SYT9: variants seen among roughly 807,000 people sequenced by gnomAD.
SYT9 encodes synaptotagmin-9.
A neutral mutation model predicts 48.4 loss-of-function variants in SYT9; 22 were observed. The observed-to-expected ratio is 0.45, with a 90% CI of 0.32 to 0.65. SYT9 has a LOEUF of 0.65. Ranked by LOEUF, SYT9 falls within the 30% of genes least tolerant of loss-of-function variation. SYT9 has a pLI of 0.03. For missense variants in SYT9, 577 were observed against 622.0 expected, an observed-to-expected ratio of 0.93 and a Z score of 0.77; for synonymous variants, 265 against 245.0, an observed-to-expected ratio of 1.08 and a Z score of -0.76.
chr11:7,399,114 A>G (rs1391275419), intron 3 of SYT9, among the ~76,000 whole-genome samples: 1 of 152,210 alleles, frequency 6.6e-6, no homozygotes, highest in Non-Finnish European at 1.5e-5. Context: ...GATAAGAATA[A>G]GAGGAAGCAT....
At chr11:7,287,416 A>C (rs1848616995) in intron 1 of SYT9, among the ~76,000 whole-genome samples, 1 of 152,210 alleles carries the variant, frequency 6.6e-6, no homozygotes, top group Non-Finnish European at 1.5e-5. Flanking sequence ...GAGCCAAACC[A>C]TATCAATGCC....
At chr11:7,455,495 G>A (rs1484067050) in intron 6 of SYT9, among the ~76,000 whole-genome samples, 5 of 142,292 alleles carry the variant, frequency 3.5e-5, no homozygotes, top group Admixed American at 7.1e-5. Flanking sequence ...CACCACGCCT[G>A]GTTAATTTTT....
intron 2 of SYT9, among the ~76,000 whole-genome samples, chr11:7,312,797 C>G (rs1392278531): frequency 6.6e-6 from 1 of 152,226 alleles, no homozygotes; most frequent in Non-Finnish European, 1.5e-5. Flanking sequence ...AATTATGTCA[C>G]TTCTACCTGT....
intron 6 of SYT9, among the ~76,000 whole-genome samples, chr11:7,427,020 A>G (rs188754188): frequency 6.4e-4 from 98 of 152,324 alleles, no homozygotes; most frequent in African/African-American, 2.2e-3. Context: ...TATTCAATGC[A>G]TGCATTTTCT....
intron 6 of SYT9, among the ~76,000 whole-genome samples, chr11:7,442,283 G>A (rs1564905569): frequency 6.6e-6 from 1 of 152,168 alleles, no homozygotes; most frequent in Non-Finnish European, 1.5e-5. Flanking sequence ...TCGAAGAGGG[G>A]CTGGAGAACA....
intron 3 of SYT9, among the ~76,000 whole-genome samples, chr11:7,349,174 C>G (rs1228498917): frequency 6.6e-6 from 1 of 151,876 alleles, no homozygotes; most frequent in Non-Finnish European, 1.5e-5. Context: ...TTAAAGAACT[C>G]CACGAGCATT....
At chr11:7,368,389 T>C (rs1393286149) in intron 3 of SYT9, among the ~76,000 whole-genome samples, 3 of 152,212 alleles carry the variant, frequency 2.0e-5, no homozygotes, top group Non-Finnish European at 4.4e-5. Flanking sequence ...GGGATACATG[T>C]GCAGAATGTG....
At chr11:7,400,772 C>A (rs962986255) in intron 3 of SYT9, among the ~76,000 whole-genome samples, 1 of 152,074 alleles carries the variant, frequency 6.6e-6, no homozygotes, top group African/African-American at 2.4e-5. Flanking sequence ...CGAGAGAAGC[C>A]ACCTCCTAGT....
At chr11:7,247,514 T>C, upstream of SYT9, among the ~76,000 whole-genome samples, 1 of 148,866 alleles carries the variant, frequency 6.7e-6, no homozygotes, top group East Asian at 2.0e-4. Flanking sequence ...CATATATACA[T>C]ATATACACAC....
chr11:7,242,363 T>C (rs1369509816), intron 1 of SYT9, among the ~76,000 whole-genome samples: 2 of 152,194 alleles, frequency 1.3e-5, no homozygotes, highest in African/African-American at 4.8e-5. Flanking sequence ...TCAGGAGTCA[T>C]ACTGCCCATC....
Position 7,433,790 on chromosome 11 carries a change from C to A in SYT9, c.1467+13155C>A, listed in dbSNP as rs189497330. Among the ~76,000 whole-genome samples the A allele has an allele frequency of 2.6e-5, 4 of 152,344 alleles. No individual in the cohort carries two copies. The East Asian group carries it at 7.7e-4, about 29-fold the overall frequency. ...AAATCAGCTAGCACCTTATCTTGGA[C>A]TTTCCAGCCTCAAGGACTGTGAGCA... On this transcript the variant is annotated intron_variant, in intron 6 of 6. Coordinates refer to ENST00000318881, the MANE Select transcript of SYT9 (RefSeq NM_175733.4).
chr11:7,247,582 T>C (rs1004677902), upstream of SYT9, among the ~76,000 whole-genome samples: 27 of 147,692 alleles, frequency 1.8e-4, no homozygotes, highest in African/African-American at 4.7e-4. Context: ...CATATACATA[T>C]ATATGTGTAT....
At chr11:7,368,071 G>C (rs943981031) in intron 3 of SYT9, among the ~76,000 whole-genome samples, 3 of 152,178 alleles carry the variant, frequency 2.0e-5, no homozygotes, top group African/African-American at 4.8e-5. Context: ...TAGGTAGTCT[G>C]ACTCCAGAGG....
intron 3 of SYT9, among the ~76,000 whole-genome samples, chr11:7,394,497 A>C (rs1846707269): frequency 2.0e-5 from 3 of 152,182 alleles, no homozygotes; most frequent in African/African-American, 7.2e-5. Flanking sequence ...TGGCTGGGTC[A>C]AATGGTATTT....
At chr11:7,351,520 C>A (rs1210898732) in intron 3 of SYT9, among the ~76,000 whole-genome samples, 1 of 152,152 alleles carries the variant, frequency 6.6e-6, no homozygotes, top group Non-Finnish European at 1.5e-5. Context: ...CTGCCCAGAG[C>A]CTTACCCTGT....
At chr11:7,275,486 T>A (rs1286456760) in intron 1 of SYT9, among the ~76,000 whole-genome samples, 1 of 152,228 alleles carries the variant, frequency 6.6e-6, no homozygotes, top group East Asian at 1.9e-4. Flanking sequence ...CCATTCTATT[T>A]TCTTTCATGG....
At chr11:7,310,547 C>G (rs750612083) in intron 2 of SYT9, among the ~76,000 whole-genome samples, 2 of 138,770 alleles carry the variant, frequency 1.4e-5, no homozygotes, top group Non-Finnish European at 3.1e-5. Context: ...CCCAGGTTCA[C>G]GCTGTTCTCC....
Position 7,416,089 on chromosome 11 carries a change from A to G in SYT9, c.1092A>G (p.Pro364=). The G allele has an allele frequency of 6.2e-7, 1 of 1,614,194 alleles. No individual in the cohort carries two copies. The highest frequency in any genetic ancestry group is 1.3e-5 in the African/African-American group (1 of 75,048). The stretch of plus-strand genomic sequence containing the variant: ...TGATGTTTTCCCTGTGCTATCTTCC[A>G]ACGGCTGGCAGGCTGACCATTACCA... ...GELMFSLCYL[P]TAGRLTITII... The change falls in exon 4 of 7, where the codon CCA becomes CCG. Residue 364 remains proline (P), a synonymous_variant. Coordinates refer to ENST00000318881, the MANE Select transcript of SYT9 (RefSeq NM_175733.4).
At chr11:7,315,250 A>C (rs760553589) in intron 3 of SYT9, among the ~76,000 whole-genome samples, 1 of 152,232 alleles carries the variant, frequency 6.6e-6, no homozygotes, top group Non-Finnish European at 1.5e-5. Flanking sequence ...ATAATAATAC[A>C]CATAAACCCA....
Sources: allele counts gnomAD v4.1 joint callset (sites outside exome capture counted in the v4.1 genomes callset), GRCh38; gene constraint gnomAD v4.1.1; transcripts MANE v1.5; gene names NCBI Gene and HGNC (gene_info 2026-07-23, HGNC 2026-07-21).